The following RNFT2 variants were observed in gnomAD, a reference collection of about 807,000 sequenced individuals.
RNFT2 encodes the protein E3 ubiquitin-protein ligase RNFT2.
RNFT2 carries 36 observed loss-of-function variants against 53.0 expected under a neutral mutation model. That is an observed-to-expected ratio of 0.68 (90% CI 0.52 to 0.90). The LOEUF is 0.90. Among genes scored for constraint, RNFT2 ranks in the 40% least tolerant of loss-of-function variants. RNFT2 has a pLI of 0.00. For synonymous variants in RNFT2, 260 were observed against 253.2 expected, an observed-to-expected ratio of 1.03 and a Z score of -0.26; for missense variants, 514 against 585.6, an observed-to-expected ratio of 0.88 and a Z score of 1.26.
intron 5 of RNFT2, among the ~76,000 whole-genome samples, chr12:116,756,995 A>G (rs1292305970): frequency 3.9e-5 from 6 of 151,996 alleles, no homozygotes; most frequent in Non-Finnish European, 8.8e-5. Context: ...TACCATTTCA[A>G]TCTCGCTGCT....
At chr12:116,787,023 C>T (rs1218831100) in intron 7 of RNFT2, among the ~76,000 whole-genome samples, 3 of 152,166 alleles carry the variant, frequency 2.0e-5, no homozygotes, top group African/African-American at 7.2e-5. Flanking sequence ...GGCAGGGTAA[C>T]CTCCCCATGC....
At chr12:116,758,007 G>A (rs1245710143) in intron 5 of RNFT2, among the ~76,000 whole-genome samples, 2 of 152,184 alleles carry the variant, frequency 1.3e-5, no homozygotes, top group Non-Finnish European at 2.9e-5. Context: ...GGGAGCTCCA[G>A]TGTTAGGTGC....
intron 6 of RNFT2, among the ~76,000 whole-genome samples, 167 bp from the exon 7 acceptor site, chr12:116,779,028 G>T (rs539907850): frequency 6.6e-6 from 1 of 152,314 alleles, no homozygotes; most frequent in East Asian, 1.9e-4. Context: ...ATCCACGTGA[G>T]GTCACACAGC....
chr12:116,834,180 G>A lies in RNFT2; in HGVS notation c.1032+239G>A, dbSNP rs1031056471. On this transcript the variant is annotated intron_variant, in intron 8 of 10. Coordinates refer to ENST00000257575, the MANE Select transcript of RNFT2 (RefSeq NM_001382266.1). ...GTCTCCCAGGCTGGAGTTCGGTAGCGCAGTCTCGGCTCACTGCAACCTCCA... is the reference window on the plus strand; with the variant it reads ...GTCTCCCAGGCTGGAGTTCGGTAGCACAGTCTCGGCTCACTGCAACCTCCA... Among the ~76,000 whole-genome samples, 6 of 151,922 alleles carry A rather than the reference G, an allele frequency of 3.9e-5. No homozygotes were observed. The East Asian group carries it at 7.7e-4, about 19-fold the overall frequency.
At chr12:116,819,266 A>C (rs1303792888) in intron 7 of RNFT2, among the ~76,000 whole-genome samples, 1 of 152,212 alleles carries the variant, frequency 6.6e-6, no homozygotes, top group African/African-American at 2.4e-5. Flanking sequence ...AAGGATGGAA[A>C]AGGCAGCTTT....
chr12:116,743,844 G>A (rs931707272), intron 3 of RNFT2, among the ~76,000 whole-genome samples: 3 of 152,104 alleles, frequency 2.0e-5, no homozygotes, highest in South Asian at 2.1e-4. Context: ...CCCCAGCTCA[G>A]CCACTTCCCA....
intron 7 of RNFT2, among the ~76,000 whole-genome samples, chr12:116,817,259 C>T (rs1234967766): frequency 6.6e-6 from 1 of 152,112 alleles, no homozygotes; most frequent in Non-Finnish European, 1.5e-5. Context: ...GTGATTTGCC[C>T]GCCTCAGCCT....
chr12:116,756,024 T>G (rs1452174064), intron 5 of RNFT2: 1 of 604,930 alleles, frequency 1.7e-6, no homozygotes, highest in East Asian at 2.8e-5. Flanking sequence ...TTCTTTTTGC[T>G]TAGTCTTGCT....
In RNFT2 at chr12:116,755,308, G is replaced by T. The variant is rs1234670032; in HGVS notation, c.627+1248G>T. 6 of 662,280 alleles carry T rather than the reference G, an allele frequency of 9.1e-6. No homozygotes were observed. The African/African-American group carries it at 9.2e-5, about 10-fold the overall frequency. The allele number at this position is 662,280 out of a possible 1,614,324, so 41.0% of individuals were successfully genotyped here. On this transcript the variant is annotated intron_variant, in intron 5 of 10. Coordinates refer to ENST00000257575, the MANE Select transcript of RNFT2 (RefSeq NM_001382266.1). ...CTGTAAGTATTTTGGTTTATTTCTG[G>T]GTTCTCTATTCTGTTCCATTGGTCT...
intron 7 of RNFT2, among the ~76,000 whole-genome samples, chr12:116,806,379 A>ATATAGAT (rs1210982959): frequency 5.4e-5 from 7 of 129,848 alleles, no homozygotes; most frequent in Non-Finnish European, 7.7e-5. Context: ...AAAAAAAAAA[A>ATATAGAT]AAATATATAT....
At chr12:116,773,933 G>A (rs533689556) in intron 6 of RNFT2, among the ~76,000 whole-genome samples, 4 of 152,240 alleles carry the variant, frequency 2.6e-5, no homozygotes, top group South Asian at 2.1e-4. Flanking sequence ...AACACCCTGC[G>A]GTATGTACAT....
intron 5 of RNFT2, among the ~76,000 whole-genome samples, chr12:116,760,991 A>T (rs893452553): frequency 1.3e-5 from 2 of 151,540 alleles, no homozygotes; most frequent in African/African-American, 4.9e-5. Context: ...CAATCCTCTG[A>T]CCTCAGCCTC....
intron 7 of RNFT2, among the ~76,000 whole-genome samples, chr12:116,809,029 C>A (rs1387070595): frequency 6.6e-6 from 1 of 152,234 alleles, no homozygotes; most frequent in East Asian, 1.9e-4. Context: ...GTGGTTATAA[C>A]TGGATGCACA....
At chr12:116,803,107 C>A (rs1441022789) in intron 7 of RNFT2, among the ~76,000 whole-genome samples, 3 of 150,458 alleles carry the variant, frequency 2.0e-5, no homozygotes, top group Non-Finnish European at 3.0e-5. Context: ...AAAAAAAAAT[C>A]AAAAACAAAT....
chr12:116,792,033 TC>T lies in RNFT2; in HGVS notation c.882+12688del, dbSNP rs1203286858. Among the ~76,000 whole-genome samples, 12 of 152,250 alleles carry T rather than the reference TC, an allele frequency of 7.9e-5. No homozygotes were observed. The South Asian group carries it at 2.5e-3, about 32-fold the overall frequency. ...AGACCGCGGTCCTTCCCGTGTATGTTCCCTGAATTCCTTTGGAAAATTTTCT... is the reference window on the plus strand; with the variant it reads ...AGACCGCGGTCCTTCCCGTGTATGTTCCTGAATTCCTTTGGAAAATTTTCT... On this transcript the variant is annotated intron_variant, in intron 7 of 10. Transcript: ENST00000257575.
At chr12:116,768,195 G>A (rs932663774) in intron 6 of RNFT2, among the ~76,000 whole-genome samples, 4 of 150,652 alleles carry the variant, frequency 2.7e-5, no homozygotes, top group Non-Finnish European at 4.4e-5. Flanking sequence ...ATGCCTCCCA[G>A]GTTCAAGTGA....
intron 7 of RNFT2, among the ~76,000 whole-genome samples, chr12:116,819,658 A>G (rs1476934807): frequency 6.6e-6 from 1 of 152,062 alleles, no homozygotes; most frequent in Non-Finnish European, 1.5e-5. Flanking sequence ...ACGCGCGGCC[A>G]CCAGCCCCGC....
At chr12:116,836,116 G>A (rs1471482441) in intron 9 of RNFT2, 65 bp from the exon 10 acceptor site, 1 of 1,594,246 alleles carries the variant, frequency 6.3e-7, no homozygotes, top group East Asian at 2.2e-5. Context: ...AGATCTCACA[G>A]TGCTCCTGAG....
intron 10 of RNFT2, among the ~76,000 whole-genome samples, chr12:116,837,805 C>T (rs1877055205): frequency 6.6e-6 from 1 of 151,894 alleles, no homozygotes; most frequent in Non-Finnish European, 1.5e-5. Context: ...AAATGTACCA[C>T]GGTAATGCAA....
Sources: gnomAD v4.1 joint callset for allele counts (sites outside exome capture counted in the v4.1 genomes callset) on GRCh38, gnomAD v4.1.1 for gene constraint, MANE v1.5 for transcripts, NCBI Gene and HGNC (gene_info 2026-07-23, HGNC 2026-07-21) for gene names.